CLN6: variants seen among roughly 807,000 people sequenced by gnomAD.
CLN6 encodes ceroid-lipofuscinosis neuronal protein 6.
A neutral mutation model predicts 33.3 loss-of-function variants in CLN6; 22 were observed. The observed-to-expected ratio is 0.66, with a 90% CI of 0.47 to 0.94. The LOEUF is 0.94. CLN6 is among the 40% of genes least tolerant of loss of function. CLN6 has a pLI of 0.00. For missense variants in CLN6, 387 were observed against 417.1 expected (o/e 0.93, Z 0.63); for synonymous variants, 201 against 174.6 (o/e 1.15, Z -1.19).
intron 1 of CLN6, among the ~76,000 whole-genome samples, chr15:68,244,680 T>TA (rs1480172668): frequency 6.6e-6 from 1 of 152,046 alleles, no homozygotes; most frequent in Non-Finnish European, 1.5e-5. Flanking sequence ...ATACTCTAAT[T>TA]AAGATGTAAA....
intron 1 of CLN6, among the ~76,000 whole-genome samples, chr15:68,221,236 C>G (rs2093234969): frequency 7.3e-6 from 1 of 137,832 alleles, no homozygotes; most frequent in Admixed American, 7.3e-5. Flanking sequence ...CCCCAACCCT[C>G]CCCCTCTCCC....
Position 68,208,399 on chromosome 15 carries a change from G to T in CLN6, c.677C>A (p.Thr226Asn). 6.2e-7 allele frequency: 1 copy of T among 1,612,814 alleles called. No individual in the cohort carries two copies. The highest frequency in any genetic ancestry group is 8.5e-7 in the Non-Finnish European group (1 of 1,180,010). Reference sequence around the variant, plus strand: ...GAAGAGGATGAAGATCTGGCCCTCGGTGACCAGGTACCTGGAAAGGCCAGG... The same window carrying T: ...GAAGAGGATGAAGATCTGGCCCTCGTTGACCAGGTACCTGGAAAGGCCAGG... Reference protein sequence around the residue: ...PSGLYYWYLVTEGQIFILFIF... With the variant: ...PSGLYYWYLVNEGQIFILFIF... The change falls in exon 7 of 7, where the codon ACC becomes AAC. Residue 226 changes from threonine (T) to asparagine (N), a missense_variant. Coordinates refer to ENST00000249806, the MANE Select transcript of CLN6 (RefSeq NM_017882.3). This position sits in a 1 kb window ranked among gnomAD's most constrained non-coding sequence, Gnocchi z 5.8.
Position 68,211,988 on chromosome 15 carries a change from G to A in CLN6, c.298-125C>T. 2.9e-6 allele frequency: 3 copies of A among 1,026,564 alleles called. No individual in the cohort carries two copies. Among genetic ancestry groups the A allele is most frequent in the Non-Finnish European group, 4.3e-6 (3 of 698,766 alleles). The allele number at this position is 1,026,564 out of a possible 1,614,324, so 63.6% of individuals were successfully genotyped here. A position where few individuals can be genotyped will look rare whatever the true frequency, so the allele number is the denominator to read the frequency against. ...CAGCTGGAATGTCACTCCAAAAAGT[G>A]GCTGGTCCCTTTAGCAGGCCAGCCC... On this transcript the variant is annotated intron_variant, in intron 3 of 6. Coordinates refer to ENST00000249806, the MANE Select transcript of CLN6 (RefSeq NM_017882.3). This position sits in a 1 kb window ranked among gnomAD's most constrained non-coding sequence, Gnocchi z 5.9.
intron 2 of CLN6, among the ~76,000 whole-genome samples, chr15:68,217,009 G>T (rs1299727135): frequency 1.3e-5 from 2 of 152,170 alleles, no homozygotes; most frequent in Non-Finnish European, 2.9e-5. Flanking sequence ...ATAACATTGA[G>T]ATCAGCAATA....
intron 1 of CLN6, among the ~76,000 whole-genome samples, chr15:68,239,898 A>G (rs746408249): frequency 6.6e-6 from 1 of 152,242 alleles, no homozygotes; most frequent in Non-Finnish European, 1.5e-5. Flanking sequence ...ACCACATTTT[A>G]TAATCCACAA....
At chr15:68,214,554 G>C in intron 2 of CLN6, 166 bp from the exon 3 acceptor site, 1 of 626,788 alleles carries the variant, frequency 1.6e-6, no homozygotes, top group Non-Finnish European at 2.9e-6. Flanking sequence ...CGGCAGCCTT[G>C]GGACAAAGGT....
intron 3 of CLN6, 174 bp from the exon 4 acceptor site, chr15:68,212,037 C>T (rs2093207409): frequency 1.6e-6 from 1 of 641,754 alleles, no homozygotes; most frequent in Non-Finnish European, 2.7e-6. Context: ...TCCCGTGACC[C>T]CTATGAACCC....
At chr15:68,255,504 AC>A (rs1892424729) in intron 1 of CLN6, among the ~76,000 whole-genome samples, 1 of 152,230 alleles carries the variant, frequency 6.6e-6, no homozygotes, top group Admixed American at 6.5e-5. Context: ...CTAAACATGA[AC>A]TATCAACCTC....
intron 1 of CLN6, among the ~76,000 whole-genome samples, chr15:68,229,068 G>C (rs1257935684): frequency 1.3e-5 from 2 of 152,192 alleles, no homozygotes; most frequent in African/African-American, 2.4e-5. Context: ...CCTACTCAGG[G>C]CTGGAGGGAC....
At chr15:68,230,321 C>G (rs1044896060), upstream of CLN6, among the ~76,000 whole-genome samples, 4 of 152,038 alleles carry the variant, frequency 2.6e-5, no homozygotes, top group Admixed American at 1.3e-4. The surrounding 1 kb of genome is among the most constrained non-coding windows in gnomAD (Gnocchi z 4.0). Context: ...TGGGCTAGAG[C>G]AGATTTCGTG....
rs923012566 is a variant in CLN6 at position 68,209,007 on chromosome 15, T to C, written c.666-597A>G. 3.5e-4 allele frequency among the ~76,000 whole-genome samples: 54 copies of C among 152,174 alleles called. No individual in the cohort carries two copies. Among genetic ancestry groups the C allele is most frequent in the African/African-American group, 1.1e-3 (47 of 41,438 alleles). ...GTCCAGTCCTGCCCCGACCCTGTCCTTCCCATGATACCCACAATCCCAGGG... is the reference window on the plus strand; with the variant it reads ...GTCCAGTCCTGCCCCGACCCTGTCCCTCCCATGATACCCACAATCCCAGGG... On this transcript the variant is annotated intron_variant, in intron 6 of 6. Coordinates refer to ENST00000249806, the MANE Select transcript of CLN6 (RefSeq NM_017882.3). The surrounding 1 kb of genome is among the most constrained non-coding windows in gnomAD (Gnocchi z 4.9).
At position 68,241,572 on chromosome 15, in the gene CLN6, T is replaced by A. The variant is rs748978703; in HGVS notation, c.179+15118A>T. Among the ~76,000 whole-genome samples, 10 of 151,854 alleles carry A rather than the reference T, an allele frequency of 6.6e-5. No homozygotes were observed. The highest frequency in any genetic ancestry group is 4.1e-4 in the South Asian group (2 of 4,830). On this transcript the variant is annotated intron_variant, in intron 1 of 6. Transcript: ENST00000538696. The surrounding 1 kb of genome is among the most constrained non-coding windows in gnomAD (Gnocchi z 4.2). The stretch of plus-strand genomic sequence containing the variant: ...CCTCAACCCATGGGAAGCATCATGA[T>A]TGCCTGAAGGAAGAAATATCTCTGA...
Position 68,211,912 on chromosome 15 carries a change from A to AC in CLN6, c.298-50_298-49insG. 1 of 1,552,350 alleles carries AC rather than the reference A, an allele frequency of 6.4e-7. No individual in the cohort carries two copies. Among genetic ancestry groups the AC allele is most frequent in the Non-Finnish European group, 8.9e-7 (1 of 1,127,256 alleles). On this transcript the variant is annotated intron_variant, in intron 3 of 6. Transcript: ENST00000249806. The surrounding 1 kb of genome is among the most constrained non-coding windows in gnomAD (Gnocchi z 5.9). ...AGCATGACCCCACCTCTGTCACAGT[A>AC]TGTGACACCCTCTGCTTCCCCCCTC... is the stretch of plus-strand genomic sequence containing the variant.
rs374125159 is a variant in CLN6 at position 68,229,403 on chromosome 15, G to A, written c.83+99C>T. 265 of 965,642 alleles carry A rather than the reference G, an allele frequency of 2.7e-4. 1 individual carries two copies. The African/African-American group carries it at 4.3e-3, about 16-fold the overall frequency. The allele number at this position is 965,642 out of a possible 1,614,324, so 59.8% of individuals were successfully genotyped here. ...CTCCGCCCCGGCCAGCGCCGCACAC[G>A]AGGTTCCCGCCCGGCAGCCCTAGGA... On this transcript the variant is annotated intron_variant, in intron 1 of 6. Coordinates refer to ENST00000249806, the MANE Select transcript of CLN6 (RefSeq NM_017882.3).
intron 1 of CLN6, among the ~76,000 whole-genome samples, chr15:68,226,127 G>C (rs902731745): frequency 6.6e-6 from 1 of 151,890 alleles, no homozygotes; most frequent in Admixed American, 6.6e-5. Context: ...AGACCAGCCT[G>C]GCCAACATGG....
intron 1 of CLN6, among the ~76,000 whole-genome samples, chr15:68,222,375 G>A (rs865828736): frequency 2.5e-4 from 36 of 144,410 alleles, no homozygotes; most frequent in Non-Finnish European, 3.6e-4. Flanking sequence ...CGGCCGCCCC[G>A]TCTGGGAGGT....
intron 1 of CLN6, among the ~76,000 whole-genome samples, chr15:68,235,630 A>G (rs965742907): frequency 8.7e-6 from 1 of 114,906 alleles, no homozygotes; most frequent in Non-Finnish European, 1.8e-5. Flanking sequence ...ATATATATAT[A>G]TATCGATTAA....
intron 1 of CLN6, among the ~76,000 whole-genome samples, chr15:68,253,966 C>G (rs1256375259): frequency 2.6e-5 from 4 of 151,986 alleles, no homozygotes; most frequent in Non-Finnish European, 5.9e-5. Flanking sequence ...CAAGCTCCGC[C>G]TCCCGGGTTC....
At chr15:68,237,804 A>G (rs534331111) in intron 1 of CLN6, among the ~76,000 whole-genome samples, 67 of 152,248 alleles carry the variant, frequency 4.4e-4, no homozygotes, top group Non-Finnish European at 9.4e-4. Flanking sequence ...ATGAGCCCAC[A>G]GATAAAAGAA....
Sources: gnomAD v4.1 joint callset for allele counts (sites outside exome capture counted in the v4.1 genomes callset) on GRCh38, gnomAD v4.1.1 for gene constraint, Gnocchi (gnomAD v3.1) non-coding constraint, MANE v1.5 for transcripts, NCBI Gene and HGNC (gene_info 2026-07-23, HGNC 2026-07-21) for gene names.